WDR27: variants seen among roughly 807,000 people sequenced by gnomAD.
The protein encoded by WDR27 is WD repeat-containing protein 27.
WDR27 carries 100 observed loss-of-function variants against 114.4 expected under a neutral mutation model. The observed-to-expected ratio is 0.87, with a 90% CI of 0.74 to 1.03. The LOEUF (loss-of-function observed/expected upper bound fraction) is 1.03, where lower values mean the gene tolerates loss of function less well. Ranked by LOEUF, WDR27 falls within the 50% of genes least tolerant of loss-of-function variation. The probability of loss-of-function intolerance (pLI) is 0.00; values close to 1 mark genes in which losing one functional copy is unlikely to be tolerated. For missense variants in WDR27, 1,129 were observed against 1,092.9 expected, an observed-to-expected ratio of 1.03 and a Z score of -0.47; for synonymous variants, 449 against 423.1, an observed-to-expected ratio of 1.06 and a Z score of -0.75.
At chr6:169,461,402 A>G (rs962150475) in intron 25 of WDR27, among the ~76,000 whole-genome samples, 1 of 152,228 alleles carries the variant, frequency 6.6e-6, no homozygotes, top group East Asian at 1.9e-4. Flanking sequence ...AAAGATAAAC[A>G]TCATACACAG....
At chr6:169,584,088 A>G (rs1804105476) in intron 23 of WDR27, among the ~76,000 whole-genome samples, 1 of 151,462 alleles carries the variant, frequency 6.6e-6, no homozygotes. Context: ...TACCCTGTTA[A>G]CCACACTTCC....
At chr6:169,688,684 T>C (rs1226989562) in intron 2 of WDR27, 133 bp downstream of exon 2, 8 of 426,588 alleles carry the variant, frequency 1.9e-5, no homozygotes, top group African/African-American at 6.1e-5. Context: ...ATATATATAA[T>C]GTTTTTATCA....
At chr6:169,571,602 A>T (rs1401962410) in intron 25 of WDR27, among the ~76,000 whole-genome samples, 2 of 152,246 alleles carry the variant, frequency 1.3e-5, no homozygotes, top group African/African-American at 4.8e-5. Context: ...CCGAGGCAGG[A>T]GGATCGCTTG....
intron 2 of WDR27, among the ~76,000 whole-genome samples, chr6:169,674,228 A>G (rs900988520): frequency 1.3e-5 from 2 of 152,248 alleles, no homozygotes; most frequent in African/African-American, 4.8e-5. Context: ...AAAGAAAAAT[A>G]AAGAATAGAG....
intron 21 of WDR27, among the ~76,000 whole-genome samples, chr6:169,621,465 TACATATGC>T (rs1813213844): frequency 6.7e-6 from 1 of 149,006 alleles, no homozygotes; most frequent in Non-Finnish European, 1.5e-5. Context: ...CACACACATA[TACATATGC>T]ACATGTGCAT....
intron 23 of WDR27, among the ~76,000 whole-genome samples, chr6:169,600,593 A>G (rs572851471): frequency 6.6e-6 from 1 of 152,362 alleles, no homozygotes; most frequent in African/African-American, 2.4e-5. Context: ...GGCTAACTAG[A>G]ATTACCAATG....
chr6:169,680,646 C>A (rs1781271480), intron 2 of WDR27, among the ~76,000 whole-genome samples: 1 of 151,966 alleles, frequency 6.6e-6, no homozygotes, highest in Non-Finnish European at 1.5e-5. Flanking sequence ...GAATGTTTAA[C>A]AAAAGTAATA....
intron 21 of WDR27, among the ~76,000 whole-genome samples, chr6:169,630,818 T>C (rs2494687): frequency 0.97 from 147,284 of 152,262 alleles, 71,266 homozygotes; most frequent in African/African-American, 0.99. Context: ...CATTGGAACC[T>C]AGGAGGTGGA....
chr6:169,475,128 T>C (rs1226785403), intron 25 of WDR27, among the ~76,000 whole-genome samples: 1 of 152,266 alleles, frequency 6.6e-6, no homozygotes, highest in African/African-American at 2.4e-5. Context: ...TTACATTTTT[T>C]TGTCACATTT....
At chr6:169,462,077 A>G (rs1784974933) in intron 25 of WDR27, among the ~76,000 whole-genome samples, 1 of 152,100 alleles carries the variant, frequency 6.6e-6, no homozygotes, top group Non-Finnish European at 1.5e-5. Context: ...ACTTACCAAG[A>G]CTGAATCACA....
intron 2 of WDR27, among the ~76,000 whole-genome samples, chr6:169,673,782 T>C (rs1779377392): frequency 6.6e-6 from 1 of 152,214 alleles, no homozygotes; most frequent in African/African-American, 2.4e-5. Context: ...AATTTTGTGA[T>C]ACAGCTGATT....
At chr6:169,605,320 T>G (rs2128174734) in intron 22 of WDR27, among the ~76,000 whole-genome samples, 1 of 151,788 alleles carries the variant, frequency 6.6e-6, no homozygotes, top group East Asian at 1.9e-4. Flanking sequence ...TATACATCAA[T>G]AATGATTTAG....
At chr6:169,624,526 C>T (rs1285313925) in intron 21 of WDR27, among the ~76,000 whole-genome samples, 1 of 152,154 alleles carries the variant, frequency 6.6e-6, no homozygotes, top group Non-Finnish European at 1.5e-5. Flanking sequence ...GTGCCATCCC[C>T]GATCCCCCTC....
chr6:169,632,806 T>C, intron 21 of WDR27, 141 bp downstream of exon 21: 1 of 789,378 alleles, frequency 1.3e-6, no homozygotes, highest in Non-Finnish European at 1.8e-6. Context: ...CATCAAGGCT[T>C]CGAATAATTT....
Position 169,634,413 on chromosome 6 carries a change from C to T in WDR27, c.2101+15G>A, listed in dbSNP as rs1265634108. On this transcript the variant is annotated intron_variant, in intron 20 of 25. Transcript: ENST00000448612. ...CAGGGCGTAAAACCCTACCAGGATC[C>T]GGGAGAAAGGATACGGGAATAAAAG... The T allele has an allele frequency of 3.1e-6, 5 of 1,597,028 alleles. No homozygotes were observed. Among genetic ancestry groups the T allele is most frequent in the South Asian group, 1.1e-5 (1 of 88,940 alleles).
chr6:169,696,935 C>T (rs1381612928), intron 1 of WDR27, among the ~76,000 whole-genome samples: 1 of 152,048 alleles, frequency 6.6e-6, no homozygotes, highest in Non-Finnish European at 1.5e-5. Context: ...AAAGCAAAAA[C>T]AACAAAAACC....
intron 24 of WDR27, among the ~76,000 whole-genome samples, chr6:169,580,253 T>C (rs1185100926): frequency 6.6e-6 from 1 of 152,260 alleles, no homozygotes; most frequent in Admixed American, 6.5e-5. Context: ...AATCACGTAT[T>C]AAATAAACAC....
At chr6:169,658,104 C>G (rs1024006766) in intron 13 of WDR27, 172 bp downstream of exon 13, 9 of 578,956 alleles carry the variant, frequency 1.6e-5, no homozygotes, top group Middle Eastern at 5.5e-4. Context: ...AGTTCCCCAC[C>G]ACAGCGGACA....
chr6:169,686,933 A>T (rs758747101), intron 2 of WDR27, among the ~76,000 whole-genome samples: 1 of 152,216 alleles, frequency 6.6e-6, no homozygotes, highest in African/African-American at 2.4e-5. Flanking sequence ...GTGGAAACTT[A>T]AAAAGTGGAT....
Sources: gnomAD v4.1 joint callset for allele counts (sites outside exome capture counted in the v4.1 genomes callset) on GRCh38, gnomAD v4.1.1 for gene constraint, MANE v1.5 for transcripts, NCBI Gene and HGNC (gene_info 2026-07-23, HGNC 2026-07-21) for gene names.